Variants in COX10 observed in about 807,000 individuals in gnomAD.
COX10 encodes the protein cytochrome c oxidase assembly factor heme A:farnesyltransferase COX10.
A neutral mutation model predicts 37.3 loss-of-function variants in COX10; 27 were observed. The observed-to-expected ratio is 0.72, with a 90% CI of 0.53 to 1.00. The LOEUF is 1.00. COX10 is among the 50% of genes least tolerant of loss of function. The pLI is 0.00. For synonymous variants in COX10, 222 were observed against 229.1 expected, an observed-to-expected ratio of 0.97 and a Z score of 0.28; for missense variants, 475 against 563.2, an observed-to-expected ratio of 0.84 and a Z score of 1.59.
rs1906755169 is a variant in COX10 at position 14,207,777 on chromosome 17, G to T, written c.*564G>T. The T allele has an allele frequency of 6.5e-6, 1 of 152,708 alleles. No individual in the cohort carries two copies. The highest frequency in any genetic ancestry group is 1.5e-5 in the Non-Finnish European group (1 of 68,438). The allele number at this position is 152,708 out of a possible 1,614,324, so 9.5% of individuals were successfully genotyped here. A position where few individuals can be genotyped will look rare whatever the true frequency, so the allele number is the denominator to read the frequency against. On this transcript the variant is annotated 3_prime_UTR_variant, in exon 7 of 7. Coordinates refer to ENST00000261643, the MANE Select transcript of COX10 (RefSeq NM_001303.4). The stretch of plus-strand genomic sequence containing the variant: ...CAATACCAATAGCTAGGACCCGGCT[G>T]CTGTGCACTGGGACTGGGGATTCCA...
intron 5 of COX10, among the ~76,000 whole-genome samples, chr17:14,168,799 G>C (rs903580451): frequency 6.6e-6 from 1 of 152,202 alleles, no homozygotes; most frequent in Non-Finnish European, 1.5e-5. Flanking sequence ...CTCAGCCCAC[G>C]AAGCCATTTT....
intron 4 of COX10, among the ~76,000 whole-genome samples, chr17:14,104,252 T>C: frequency 6.6e-6 from 1 of 152,180 alleles, no homozygotes; most frequent in East Asian, 1.9e-4. Flanking sequence ...AGTAGAATCC[T>C]AGTGTTATCA....
At chr17:14,189,569 T>C (rs1906138854) in intron 5 of COX10, among the ~76,000 whole-genome samples, 2 of 152,262 alleles carry the variant, frequency 1.3e-5, no homozygotes, top group Non-Finnish European at 2.9e-5. Flanking sequence ...TGATAAGGGC[T>C]CTTTTCAAAC....
intron 4 of COX10, among the ~76,000 whole-genome samples, chr17:14,123,673 T>C (rs1916273383): frequency 1.3e-5 from 2 of 152,190 alleles, no homozygotes; most frequent in South Asian, 4.1e-4. Flanking sequence ...AGGTAAATAA[T>C]GTATCCCAAA....
intron 3 of COX10, among the ~76,000 whole-genome samples, chr17:14,094,604 A>G (rs1228964037): frequency 3.3e-5 from 5 of 152,212 alleles, no homozygotes; most frequent in Non-Finnish European, 7.3e-5. Context: ...AAGGGTTGCT[A>G]TCTGTTCACT....
intron 4 of COX10, among the ~76,000 whole-genome samples, chr17:14,124,753 T>C (rs138448555): frequency 6.6e-5 from 10 of 152,206 alleles, no homozygotes; most frequent in Non-Finnish European, 1.3e-4. Context: ...CATTTCTTTA[T>C]CTATCATAAT....
intron 4 of COX10, among the ~76,000 whole-genome samples, chr17:14,158,708 C>T (rs1905107037): frequency 6.6e-6 from 1 of 152,102 alleles, no homozygotes; most frequent in South Asian, 2.1e-4. Flanking sequence ...AATTTGGTTT[C>T]TTCACTTTGG....
At chr17:14,091,584 G>A (rs1915528556) in intron 3 of COX10, among the ~76,000 whole-genome samples, 1 of 152,170 alleles carries the variant, frequency 6.6e-6, no homozygotes, top group South Asian at 2.1e-4. Flanking sequence ...AGGTCCAGAT[G>A]TAAATCATGA....
At chr17:14,113,025 AG>A (rs1189273323) in intron 4 of COX10, among the ~76,000 whole-genome samples, 4 of 152,128 alleles carry the variant, frequency 2.6e-5, no homozygotes, top group Non-Finnish European at 5.9e-5. Context: ...AGGCTAGAGA[AG>A]GAAGTCCTGA....
intron 3 of COX10, among the ~76,000 whole-genome samples, chr17:14,098,567 A>G (rs1422870585): frequency 6.6e-6 from 1 of 152,146 alleles, no homozygotes; most frequent in African/African-American, 2.4e-5. Flanking sequence ...GATGGGTGCT[A>G]TTTGAGTATT....
chr17:14,099,221 C>A (rs1384388521), intron 3 of COX10, among the ~76,000 whole-genome samples: 2 of 152,096 alleles, frequency 1.3e-5, no homozygotes, highest in East Asian at 3.9e-4. Context: ...TATTTGGGAA[C>A]AACTGAGTTA....
Position 14,207,018 on chromosome 17 carries a change from G to A in COX10, c.1137G>A (p.Trp379Ter). 6.2e-7 allele frequency: 1 copy of A among 1,614,062 alleles called. No homozygotes were observed. The highest frequency in any genetic ancestry group is 8.5e-7 in the Non-Finnish European group (1 of 1,179,930). The change falls in exon 7 of 7, where the codon TGG becomes TGA. Residue 379 changes from tryptophan to a stop codon, truncating the protein, a stop_gained. Transcript: ENST00000261643. LOFTEE classifies it high-confidence loss of function. ...AAAPVLDITT[W>*]TFPIMALPIN... Reference sequence around the variant, plus strand: ...CCCCTGTGCTGGACATCACCACATGGACCTTCCCCATCATGGCCCTTCCCA... The same window carrying A: ...CCCCTGTGCTGGACATCACCACATGAACCTTCCCCATCATGGCCCTTCCCA...
chr17:14,140,020 C>T (rs1904490558), intron 4 of COX10, among the ~76,000 whole-genome samples: 1 of 152,082 alleles, frequency 6.6e-6, no homozygotes, highest in Admixed American at 6.5e-5. Flanking sequence ...AACTTTCTTC[C>T]TCAAACTAAC....
chr17:14,199,443 G>T (rs973344946), intron 6 of COX10, among the ~76,000 whole-genome samples: 1 of 152,188 alleles, frequency 6.6e-6, no homozygotes, highest in African/African-American at 2.4e-5. Context: ...CAAGGAAATG[G>T]CAAGAAGAGA....
intron 4 of COX10, among the ~76,000 whole-genome samples, chr17:14,115,420 C>G (rs1311902227): frequency 6.6e-6 from 1 of 152,042 alleles, no homozygotes; most frequent in African/African-American, 2.4e-5. Context: ...GGAACTCATA[C>G]ACTGTTGGTA....
chr17:14,124,116 A>G (rs1916284330), intron 4 of COX10, among the ~76,000 whole-genome samples: 1 of 151,618 alleles, frequency 6.6e-6, no homozygotes, highest in Non-Finnish European at 1.5e-5. Flanking sequence ...AGGTTGCCTG[A>G]CTCTTGTTTT....
At chr17:14,120,119 A>G (rs1916198789) in intron 4 of COX10, among the ~76,000 whole-genome samples, 1 of 152,200 alleles carries the variant, frequency 6.6e-6, no homozygotes, top group Admixed American at 6.5e-5. Context: ...TGTAGCTTAC[A>G]AAATTAGGTG....
chr17:14,113,130 C>T (rs146761672), intron 4 of COX10, among the ~76,000 whole-genome samples: 24 of 152,262 alleles, frequency 1.6e-4, no homozygotes, highest in Non-Finnish European at 3.1e-4. Flanking sequence ...TAGATTTCAG[C>T]TAAAACGTCA....
At chr17:14,164,691 A>T (rs757923314) in intron 5 of COX10, among the ~76,000 whole-genome samples, 1 of 152,118 alleles carries the variant, frequency 6.6e-6, no homozygotes, top group Non-Finnish European at 1.5e-5. Flanking sequence ...AATGGCAAAG[A>T]ATAGATCCCC....
Sources: allele counts gnomAD v4.1 joint callset (sites outside exome capture counted in the v4.1 genomes callset), GRCh38; gene constraint gnomAD v4.1.1; transcripts MANE v1.5; gene names NCBI Gene and HGNC (gene_info 2026-07-23, HGNC 2026-07-21).